The following ACOXL variants were observed in gnomAD, a reference collection of about 807,000 sequenced individuals.
ACOXL encodes acyl-CoA oxidase like.
In ACOXL, 70 loss-of-function variants were observed where a neutral mutation model predicts 71.9. The observed-to-expected ratio is 0.97, with a 90% CI of 0.80 to 1.19. The LOEUF is 1.19. Among genes scored for constraint, ACOXL ranks in the 50% most tolerant of loss-of-function variants. The pLI, the probability that ACOXL is intolerant of heterozygous loss-of-function variation, is 0.00. For missense variants in ACOXL, 703 were observed against 736.3 expected, an observed-to-expected ratio of 0.95 and a Z score of 0.52; for synonymous variants, 253 against 281.6, an observed-to-expected ratio of 0.90 and a Z score of 1.02.
At chr2:111,018,784 G>A (rs1217003224) in intron 14 of ACOXL, among the ~76,000 whole-genome samples, 2 of 152,110 alleles carry the variant, frequency 1.3e-5, no homozygotes, top group Non-Finnish European at 1.5e-5. Flanking sequence ...GGGAAGAGAG[G>A]ATGCCATAGT....
At chr2:111,089,851 T>C (rs1574728938) in intron 16 of ACOXL, among the ~76,000 whole-genome samples, 1 of 152,192 alleles carries the variant, frequency 6.6e-6, no homozygotes. Flanking sequence ...GCAGATGCCA[T>C]AGTGATGAGA....
intron 17 of ACOXL, among the ~76,000 whole-genome samples, chr2:111,107,658 T>C (rs1222302629): frequency 6.6e-6 from 1 of 152,222 alleles, no homozygotes; most frequent in Non-Finnish European, 1.5e-5. Flanking sequence ...CCAGCTAATT[T>C]TGTATTTTTA....
chr2:110,818,572 T>C (rs1387319220), intron 9 of ACOXL, among the ~76,000 whole-genome samples: 1 of 151,622 alleles, frequency 6.6e-6, no homozygotes, highest in Non-Finnish European at 1.5e-5. Context: ...TGTATATATA[T>C]GTATGTATAT....
intron 16 of ACOXL, among the ~76,000 whole-genome samples, chr2:111,059,114 G>A (rs2066684224): frequency 6.6e-6 from 1 of 152,324 alleles, no homozygotes; most frequent in South Asian, 2.1e-4. Flanking sequence ...GTACATGCCT[G>A]TAGTTCCAGT....
intron 12 of ACOXL, among the ~76,000 whole-genome samples, chr2:110,978,302 A>G (rs985833817): frequency 1.3e-5 from 2 of 152,226 alleles, no homozygotes; most frequent in Admixed American, 6.5e-5. Flanking sequence ...CACTCCATCA[A>G]GCCCTTTTCT....
At chr2:110,883,059 C>T (rs988214408) in intron 10 of ACOXL, among the ~76,000 whole-genome samples, 3 of 151,090 alleles carry the variant, frequency 2.0e-5, no homozygotes, top group Non-Finnish European at 4.4e-5. Context: ...CCTCCATTCA[C>T]TCTGTGTGAG....
At chr2:110,735,605 G>T (rs1676736901) in intron 1 of ACOXL, among the ~76,000 whole-genome samples, 1 of 152,200 alleles carries the variant, frequency 6.6e-6, no homozygotes, top group Non-Finnish European at 1.5e-5. Context: ...GGCAATGTAG[G>T]CACAGCCCAG....
intron 2 of ACOXL, among the ~76,000 whole-genome samples, chr2:110,772,424 A>G (rs142864306): frequency 2.3e-4 from 35 of 152,182 alleles, no homozygotes; most frequent in Admixed American, 7.2e-4. Context: ...TGTCTCCCCA[A>G]AATTGTTCCC....
intron 9 of ACOXL, among the ~76,000 whole-genome samples, chr2:110,831,441 A>C (rs1689811632): frequency 6.6e-6 from 1 of 152,246 alleles, no homozygotes; most frequent in Non-Finnish European, 1.5e-5. Context: ...TGATGATGAA[A>C]GAAACCAAAG....
At chr2:111,085,879 G>T (rs1218624153) in intron 16 of ACOXL, among the ~76,000 whole-genome samples, 1 of 151,988 alleles carries the variant, frequency 6.6e-6, no homozygotes, top group Admixed American at 6.6e-5. Flanking sequence ...ATGACAAAGG[G>T]GATGTTACCA....
chr2:110,911,010 A>G (rs1224003163), intron 11 of ACOXL, among the ~76,000 whole-genome samples: 1 of 152,140 alleles, frequency 6.6e-6, no homozygotes, highest in African/African-American at 2.4e-5. Context: ...AGACATTGCT[A>G]TAACTGTAAC....
chr2:110,805,485 A>G, intron 9 of ACOXL, 90 bp downstream of exon 9: 1 of 1,562,614 alleles, frequency 6.4e-7, no homozygotes, highest in African/African-American at 1.4e-5. Flanking sequence ...GAGCTTCTGG[A>G]GCCACAGTTG....
chr2:110,776,373 C>T (rs1349771419), intron 2 of ACOXL, among the ~76,000 whole-genome samples: 1 of 152,076 alleles, frequency 6.6e-6, no homozygotes, highest in Non-Finnish European at 1.5e-5. Context: ...TGTGAATATA[C>T]TTAGTGCCAG....
chr2:110,845,974 T>A (rs932845502), intron 10 of ACOXL, among the ~76,000 whole-genome samples: 2 of 152,196 alleles, frequency 1.3e-5, no homozygotes, highest in African/African-American at 4.8e-5. Flanking sequence ...AATCCTATGG[T>A]AACTCTAAGT....
chr2:110,765,753 A>G (rs1680970105), intron 1 of ACOXL, among the ~76,000 whole-genome samples: 1 of 152,132 alleles, frequency 6.6e-6, no homozygotes, highest in South Asian at 2.1e-4. Flanking sequence ...AATCTCATTC[A>G]TGAGGGTGAA....
chr2:110,967,793 G>T, intron 12 of ACOXL: 3 of 726,308 alleles, frequency 4.1e-6, no homozygotes, highest in Admixed American at 2.1e-5. Flanking sequence ...TGGGCCTGCA[G>T]GTCTCTGTTG....
At chr2:110,809,727 G>A (rs896472673) in intron 9 of ACOXL, among the ~76,000 whole-genome samples, 2 of 152,188 alleles carry the variant, frequency 1.3e-5, no homozygotes, top group African/African-American at 4.8e-5. Context: ...CCTTCTGACT[G>A]CAAGGGTTCA....
chr2:110,950,487 A>T (rs2061286636), intron 12 of ACOXL, among the ~76,000 whole-genome samples: 1 of 152,248 alleles, frequency 6.6e-6, no homozygotes, highest in African/African-American at 2.4e-5. Flanking sequence ...AGGAATGGAT[A>T]GCGGCCAGAC....
In ACOXL at chr2:111,092,984, C is replaced by T. The variant is rs2150022064; in HGVS notation, c.1542+18C>T. 2 of 1,593,518 alleles carry T rather than the reference C, an allele frequency of 1.3e-6. No homozygotes were observed. The highest frequency in any genetic ancestry group is 1.7e-6 in the Non-Finnish European group (2 of 1,162,506). ...GGAATCAGGTAAGGTCCCTGGGGTA[C>T]AGAAAAACACTTTGTACATCAGCCC... On this transcript the variant is annotated intron_variant, in intron 17 of 17. Coordinates refer to ENST00000439055, the MANE Select transcript of ACOXL (RefSeq NM_001142807.4).
Sources: gnomAD v4.1 joint callset for allele counts (sites outside exome capture counted in the v4.1 genomes callset) on GRCh38, gnomAD v4.1.1 for gene constraint, MANE v1.5 for transcripts, NCBI Gene and HGNC (gene_info 2026-07-23, HGNC 2026-07-21) for gene names.